The following TM7SF3 variants were observed in gnomAD, a reference collection of about 807,000 sequenced individuals.
TM7SF3 encodes transmembrane 7 superfamily member 3, also known as seven span transmembrane protein.
In TM7SF3, 60 loss-of-function variants were observed where a neutral mutation model predicts 65.5. That is an observed-to-expected ratio of 0.92 (90% CI 0.74 to 1.14). The LOEUF (loss-of-function observed/expected upper bound fraction) is 1.14. Ranked by LOEUF, TM7SF3 falls within the 50% of genes most tolerant of loss-of-function variation. The pLI, the probability that TM7SF3 is intolerant of heterozygous loss-of-function variation, is 0.00. For synonymous variants in TM7SF3, 264 were observed against 259.6 expected, an observed-to-expected ratio of 1.02 and a Z score of -0.16; for missense variants, 623 against 684.8, an observed-to-expected ratio of 0.91 and a Z score of 1.01.
chr12:26,974,884 T>C (rs1939505091), intron 11 of TM7SF3, among the ~76,000 whole-genome samples: 1 of 152,200 alleles, frequency 6.6e-6, no homozygotes, highest in Non-Finnish European at 1.5e-5. Flanking sequence ...ACAATCACAA[T>C]TGTGCTTATG....
chr12:26,980,263 A>C (rs1939758922), intron 8 of TM7SF3: 2 of 519,050 alleles, frequency 3.9e-6, no homozygotes, highest in Admixed American at 3.6e-5. Context: ...GGTAAAGAAA[A>C]CCTCAACATT....
rs770847831 is a variant in TM7SF3, at chr12:26,996,757, T to G, written c.503A>C (p.Asn168Thr). 3 of 1,612,960 alleles carry G rather than the reference T, an allele frequency of 1.9e-6. No homozygotes were observed. Among genetic ancestry groups the G allele is most frequent in the Non-Finnish European group, 1.7e-6 (2 of 1,179,602 alleles). ...ACAGACGTACCTCGCATAGCCTAGG[T>G]TTGCTGGGGCAAACTTGATAGTCGT... is the stretch of plus-strand genomic sequence containing the variant. ...FETTIKFAPA[N>T]LGYARGVDPP... Residue 168 changes from asparagine (N) to threonine (T), a missense_variant, in exon 4 of 12, where the codon AAC (asparagine) becomes ACC (threonine). Asn to Thr is a moderately conservative substitution (Grantham distance 65). Coordinates refer to ENST00000343028, the MANE Select transcript of TM7SF3 (RefSeq NM_016551.3).
Position 26,999,533 on chromosome 12 carries a change from T to C in TM7SF3, c.390A>G (p.Ser130=), listed in dbSNP as rs767179531. The C allele has an allele frequency of 2.5e-6, 4 of 1,613,960 alleles. No homozygotes were observed. The South Asian group carries it at 4.4e-5, about 18-fold the overall frequency. Residue 130 remains serine, a synonymous_variant, in exon 3 of 12, where the codon TCA becomes TCG. Coordinates refer to ENST00000343028, the MANE Select transcript of TM7SF3 (RefSeq NM_016551.3). ...VQNMAILLSY[S]ERDPVPGGCN... is the part of the protein sequence containing the mutation. ...AGAAGACAGAAGGGTTACCTCTTTC[T>C]GAGTAGGAGAGTAGGATAGCCATAT...
chr12:27,009,839 T>G lies in TM7SF3; in HGVS notation c.91+4239A>C, dbSNP rs192111033. Among the ~76,000 whole-genome samples the G allele has an allele frequency of 1.3e-3, 198 of 148,654 alleles. 1 individual carries two copies. Among genetic ancestry groups the G allele is most frequent in the African/African-American group, 4.5e-3 (186 of 41,482 alleles). On this transcript the variant is annotated intron_variant, in intron 1 of 11. Transcript: ENST00000343028. ...TTGATAAACAAGCAAAGGATAAATA[T>G]GTATTTTTTTCCCAGTCTTAGTTAT... is the stretch of plus-strand genomic sequence containing the variant.
chr12:26,975,439 G>A (rs1251163922), intron 11 of TM7SF3, 57 bp downstream of exon 11: 1 of 1,588,342 alleles, frequency 6.3e-7, no homozygotes, highest in African/African-American at 1.3e-5. Flanking sequence ...GGTTAGCATA[G>A]GTGGGTCAAG....
chr12:27,001,162 T>C (rs1414052580), intron 2 of TM7SF3, among the ~76,000 whole-genome samples: 1 of 152,128 alleles, frequency 6.6e-6, no homozygotes, highest in African/African-American at 2.4e-5. Flanking sequence ...ACAGAAGCAC[T>C]TCTCTTTACA....
At chr12:26,992,905 C>CT (rs1202323508) in intron 5 of TM7SF3, among the ~76,000 whole-genome samples, 13,455 of 109,984 alleles carry the variant, frequency 0.12, 1,197 homozygotes, top group Non-Finnish European at 0.16. Flanking sequence ...TCCCTAATGT[C>CT]TTTTTTTTTT....
chr12:27,002,188 C>T (rs969290125), intron 2 of TM7SF3, among the ~76,000 whole-genome samples: 3 of 151,986 alleles, frequency 2.0e-5, no homozygotes, highest in Admixed American at 6.6e-5. Flanking sequence ...TGGGCTGGGG[C>T]GCAGTGGCTC....
chr12:26,974,365 T>C, intron 11 of TM7SF3, 138 bp from the exon 12 acceptor site: 1 of 889,364 alleles, frequency 1.1e-6, no homozygotes, highest in African/African-American at 1.7e-5. Context: ...ACATATGTAG[T>C]TCCTCAGTTA....
rs1340946726 is a variant in TM7SF3, at chr12:26,979,859, G to A, written c.1114C>T (p.Leu372Phe). The A allele has an allele frequency of 4.3e-6, 7 of 1,614,056 alleles. No individual in the cohort carries two copies. The highest frequency in any genetic ancestry group is 1.3e-5 in the African/African-American group (1 of 74,926). ...LVAVWWRFGI[L>F]SICMLCVGLV... ...CCAACACAGAGCATGCAGATCGAGA[G>A]GATTCCAAATCGCCACCACACAGCT... The change falls in exon 9 of 12, where the codon CTC becomes TTC. Residue 372 changes from leucine to phenylalanine, a missense_variant. Coordinates refer to ENST00000343028, the MANE Select transcript of TM7SF3 (RefSeq NM_016551.3).
chr12:26,984,011 A>T (rs1288334056), intron 6 of TM7SF3, among the ~76,000 whole-genome samples: 1 of 152,266 alleles, frequency 6.6e-6, no homozygotes, highest in Non-Finnish European at 1.5e-5. Flanking sequence ...AATGCCTAAG[A>T]GTGCTCAGAA....
At position 26,976,351 on chromosome 12, in the gene TM7SF3, A is replaced by G; in HGVS notation, c.1196T>C (p.Leu399Pro). The G allele has an allele frequency of 6.2e-7, 1 of 1,613,044 alleles. No individual in the cohort carries two copies. The highest frequency in any genetic ancestry group is 8.5e-7 in the Non-Finnish European group (1 of 1,179,236). ...TACACCATCATCATGAAAAATCTTTAGGTTTCCTGAAAAAGCAAAAAGAAA... is the reference window on the plus strand; with the variant it reads ...TACACCATCATCATGAAAAATCTTTGGGTTTCCTGAAAAAGCAAAAAGAAA... Reference protein sequence around the residue: ...SVTFFTPLGNLKIFHDDGVFW... With the variant: ...SVTFFTPLGNPKIFHDDGVFW... The change falls in exon 10 of 12, where the codon CTA (leucine) becomes CCA (proline). Residue 399 changes from leucine (L) to proline (P), a missense_variant. Coordinates refer to ENST00000343028, the MANE Select transcript of TM7SF3 (RefSeq NM_016551.3).
chr12:26,982,910 T>C (rs1939878475), intron 6 of TM7SF3, 51 bp from the exon 7 acceptor site: 2 of 1,295,318 alleles, frequency 1.5e-6, no homozygotes, highest in African/African-American at 3.0e-5. Flanking sequence ...TGATACTTTG[T>C]ATTAATATTT....
At chr12:26,996,936 C>CT (rs1940624822) in intron 3 of TM7SF3, 74 bp from the exon 4 acceptor site, 2 of 1,473,380 alleles carry the variant, frequency 1.4e-6, no homozygotes, top group Non-Finnish European at 1.8e-6. Flanking sequence ...AAACAGAACT[C>CT]TATCTACTCT....
Position 26,999,794 on chromosome 12 carries a change from C to A in TM7SF3, c.247-118G>T, listed in dbSNP as rs532682155. 2.7e-4 allele frequency: 277 copies of A among 1,009,892 alleles called. 1 individual carries two copies. In the East Asian group the frequency reaches 5.8e-3, roughly 21 times the overall value. 62.6% of individuals were successfully genotyped at this position (1,009,892 alleles called of 1,614,324 possible). A position where few individuals can be genotyped will look rare whatever the true frequency, so the allele number is the denominator to read the frequency against. ...TCCCAAAACAAATAGAAAAAAAAAA[C>A]CTTCCTTAAATAACCAGGGAATTCT... On this transcript the variant is annotated intron_variant, in intron 2 of 11. Transcript: ENST00000343028.
At chr12:26,983,134 T>C (rs1939889264) in intron 6 of TM7SF3, among the ~76,000 whole-genome samples, 1 of 151,532 alleles carries the variant, frequency 6.6e-6, no homozygotes, top group African/African-American at 2.4e-5. Flanking sequence ...GACATATTCC[T>C]GGGTAAAGTG....
chr12:27,007,417 T>G (rs928420599), intron 1 of TM7SF3, among the ~76,000 whole-genome samples: 3 of 152,164 alleles, frequency 2.0e-5, no homozygotes, highest in African/African-American at 4.8e-5. Flanking sequence ...TTTCTTTTCA[T>G]TACACATTTC....
In TM7SF3 at chr12:26,973,310, G is replaced by A. The variant is rs1038542281; in HGVS notation, c.*655C>T. 2 of 152,046 alleles carry A rather than the reference G, an allele frequency of 1.3e-5. No individual in the cohort carries two copies. The highest frequency in any genetic ancestry group is 2.9e-5 in the Non-Finnish European group (2 of 68,044). The allele number at this position is 152,046 out of a possible 1,614,324, so 9.4% of individuals were successfully genotyped here. A position where few individuals can be genotyped will look rare whatever the true frequency, so the allele number is the denominator to read the frequency against. On this transcript the variant is annotated 3_prime_UTR_variant, in exon 12 of 12. Coordinates refer to ENST00000343028, the MANE Select transcript of TM7SF3 (RefSeq NM_016551.3). ...CCCATCTCAGTCTCCTTGGGAGCTG[G>A]GAGTAGGCATGTGCCACCATGCCTG...
intron 5 of TM7SF3, 21 bp from the exon 6 acceptor site, chr12:26,990,648 T>G: frequency 6.3e-7 from 1 of 1,596,628 alleles, no homozygotes; most frequent in Non-Finnish European, 8.5e-7. Context: ...AAATAACACA[T>G]GATTAGTGTT....
Sources: allele counts gnomAD v4.1 joint callset (sites outside exome capture counted in the v4.1 genomes callset), GRCh38; gene constraint gnomAD v4.1.1; transcripts MANE v1.5; gene names NCBI Gene and HGNC (gene_info 2026-07-23, HGNC 2026-07-21).